The following GALNT13 variants were observed in gnomAD, a reference collection of about 807,000 sequenced individuals.
The protein encoded by GALNT13 is polypeptide N-acetylgalactosaminyltransferase 13.
GALNT13 carries 28 observed loss-of-function variants against 64.2 expected under a neutral mutation model. The observed-to-expected ratio is 0.44, with a 90% CI of 0.32 to 0.60. The LOEUF (loss-of-function observed/expected upper bound fraction) is 0.60, where lower values mean the gene tolerates loss of function less well. GALNT13 is among the 20% of genes least tolerant of loss of function. GALNT13 has a pLI of 0.05. For missense variants in GALNT13, 577 were observed against 669.8 expected (o/e 0.86, Z 1.53); for synonymous variants, 214 against 224.6 (o/e 0.95, Z 0.42).
At chr2:154,448,743 A>G (rs559216276) in intron 12 of GALNT13, among the ~76,000 whole-genome samples, 1 of 152,176 alleles carries the variant, frequency 6.6e-6, no homozygotes, top group Non-Finnish European at 1.5e-5. Context: ...TTTTGAACTA[A>G]GGTAACTGAT....
At chr2:153,671,335 A>G in the GALNT13 span, among the ~76,000 whole-genome samples, 2 of 152,224 alleles carry the variant, frequency 1.3e-5, no homozygotes, top group African/African-American at 4.8e-5. Context: ...GAAGCTCGTC[A>G]GACTAACAGT....
intron 4 of GALNT13, among the ~76,000 whole-genome samples, chr2:154,201,891 G>T (rs1687191480): frequency 1.3e-5 from 2 of 152,136 alleles, no homozygotes; most frequent in Admixed American, 1.3e-4. Context: ...TTGACAGACA[G>T]CACCATCTTT....
the GALNT13 span, among the ~76,000 whole-genome samples, chr2:153,174,422 GTTTTCCAGCAA>G: frequency 6.6e-6 from 1 of 150,802 alleles, no homozygotes; most frequent in Admixed American, 6.6e-5. Context: ...TGAGCAAACA[GTTTTCCAGCAA>G]TAACATTGGT....
chr2:153,988,341 A>G (rs1694942800), intron 3 of GALNT13, among the ~76,000 whole-genome samples: 1 of 151,890 alleles, frequency 6.6e-6, no homozygotes, highest in Non-Finnish European at 1.5e-5. Flanking sequence ...CCACCTGCCC[A>G]GCCGCTAGTA....
At chr2:153,906,205 T>A (rs1352632389) in intron 2 of GALNT13, among the ~76,000 whole-genome samples, 1 of 151,958 alleles carries the variant, frequency 6.6e-6, no homozygotes, top group East Asian at 1.9e-4. Context: ...TTTTTTTTAA[T>A]GTTGAGTTCA....
chr2:153,596,810 C>T, the GALNT13 span, among the ~76,000 whole-genome samples: 328 of 151,958 alleles, frequency 2.2e-3, 4 homozygotes, highest in African/African-American at 7.7e-3. Context: ...AATAAAGACT[C>T]ATCAGTGGGA....
At chr2:154,130,503 G>A (rs746547467) in intron 3 of GALNT13, among the ~76,000 whole-genome samples, 7 of 152,152 alleles carry the variant, frequency 4.6e-5, no homozygotes, top group South Asian at 2.1e-4. Flanking sequence ...ACTTAGTCCA[G>A]TATTATTTTA....
chr2:154,295,348 T>TTTTTTTTATTTATTTA (rs1553510429), intron 8 of GALNT13, among the ~76,000 whole-genome samples: 4 of 142,222 alleles, frequency 2.8e-5, no homozygotes, highest in Non-Finnish European at 6.1e-5. Context: ...ATTCTTTTTA[T>TTTTTTTTATTTATTTA]TTTATTTATT....
intron 1 of GALNT13, among the ~76,000 whole-genome samples, chr2:153,893,755 G>A (rs1687714365): frequency 6.6e-6 from 1 of 151,966 alleles, no homozygotes; most frequent in Non-Finnish European, 1.5e-5. Context: ...TTACTTAGTT[G>A]ATCCCTAATT....
chr2:153,492,137 A>G, the GALNT13 span, among the ~76,000 whole-genome samples: 1 of 152,220 alleles, frequency 6.6e-6, no homozygotes, highest in Non-Finnish European at 1.5e-5. Flanking sequence ...TGGGTGGTAG[A>G]ATAGTTTATG....
At chr2:154,226,800 T>G (rs1198071719) in intron 4 of GALNT13, among the ~76,000 whole-genome samples, 2 of 152,142 alleles carry the variant, frequency 1.3e-5, no homozygotes, top group African/African-American at 4.8e-5. Flanking sequence ...ACAAAGTTGT[T>G]CCTTGAAACA....
chr2:154,390,686 C>A (rs1184124361), intron 9 of GALNT13, among the ~76,000 whole-genome samples: 1 of 151,960 alleles, frequency 6.6e-6, no homozygotes, highest in African/African-American at 2.4e-5. Flanking sequence ...AAAATAGGAG[C>A]CCATAAATTT....
rs1468211493 is a variant in GALNT13, at chr2:154,047,157, T to C, written c.143-93180T>C. On this transcript the variant is annotated intron_variant, in intron 3 of 12. Coordinates refer to ENST00000392825, the MANE Select transcript of GALNT13 (RefSeq NM_052917.4). Reference sequence around the variant, plus strand: ...GTGCTTTCTATTCTTATTTTCTTGTTAGTGTGATGTTTCACTTAGTTGCAT... The same window carrying C: ...GTGCTTTCTATTCTTATTTTCTTGTCAGTGTGATGTTTCACTTAGTTGCAT... Among the ~76,000 whole-genome samples, 3 of 152,298 alleles carry C rather than the reference T, an allele frequency of 2.0e-5. No individual in the cohort carries two copies. In the East Asian group the frequency reaches 5.8e-4, roughly 29 times the overall value.
At chr2:153,487,600 G>T in the GALNT13 span, among the ~76,000 whole-genome samples, 1 of 152,194 alleles carries the variant, frequency 6.6e-6, no homozygotes, top group Non-Finnish European at 1.5e-5. Flanking sequence ...GATAAATTCT[G>T]TGGGAAATGT....
intron 4 of GALNT13, among the ~76,000 whole-genome samples, chr2:154,152,762 G>A (rs921546958): frequency 2.3e-4 from 35 of 152,108 alleles, no homozygotes; most frequent in Non-Finnish European, 1.6e-4. Context: ...TAGTTCTGGA[G>A]CCTTGGCTTT....
chr2:154,337,490 A>G (rs1179687870), intron 9 of GALNT13, among the ~76,000 whole-genome samples: 1 of 152,050 alleles, frequency 6.6e-6, no homozygotes, highest in African/African-American at 2.4e-5. Context: ...TAATTTCTCC[A>G]TTTTTGAAAT....
chr2:153,419,236 T>A, the GALNT13 span, among the ~76,000 whole-genome samples: 1 of 152,168 alleles, frequency 6.6e-6, no homozygotes, highest in East Asian at 1.9e-4. Flanking sequence ...AAGGGGCTTA[T>A]AAAACCATTA....
At chr2:153,258,916 T>A in the GALNT13 span, among the ~76,000 whole-genome samples, 3 of 152,356 alleles carry the variant, frequency 2.0e-5, no homozygotes, top group African/African-American at 7.2e-5. Context: ...GAAGAATGTT[T>A]ATTCTATAGC....
At chr2:153,875,921 G>A (rs1686336432) in intron 1 of GALNT13, among the ~76,000 whole-genome samples, 2 of 152,054 alleles carry the variant, frequency 1.3e-5, no homozygotes, top group Non-Finnish European at 2.9e-5. Context: ...TCTTGACAGC[G>A]ACTCTTAGTA....
Sources: gnomAD v4.1 joint callset for allele counts (sites outside exome capture counted in the v4.1 genomes callset) on GRCh38, gnomAD v4.1.1 for gene constraint, MANE v1.5 for transcripts, NCBI Gene and HGNC (gene_info 2026-07-23, HGNC 2026-07-21) for gene names.